The following TARS3 variants were observed in gnomAD, a reference collection of about 807,000 sequenced individuals.
The protein encoded by TARS3 is threonine--tRNA ligase 2, cytoplasmic.
A neutral mutation model predicts 103.5 loss-of-function variants in TARS3; 94 were observed. The observed-to-expected ratio is 0.91, with a 90% CI of 0.77 to 1.08. The LOEUF (loss-of-function observed/expected upper bound fraction) is 1.08. Ranked by LOEUF, TARS3 falls within the 50% of genes least tolerant of loss-of-function variation. The probability of loss-of-function intolerance (pLI) is 0.00; values close to 1 mark genes in which losing one functional copy is unlikely to be tolerated. For missense variants in TARS3, 952 were observed against 995.2 expected (o/e 0.96, Z 0.58); for synonymous variants, 416 against 355.4 (o/e 1.17, Z -1.92).
chr15:101,692,806 C>G (rs1307636305), intron 10 of TARS3, among the ~76,000 whole-genome samples: 1 of 152,244 alleles, frequency 6.6e-6, no homozygotes, highest in African/African-American at 2.4e-5. Flanking sequence ...TCACTAGACT[C>G]TCTTCAGTTA....
rs554617493 is a variant in TARS3 at position 101,706,368 on chromosome 15, A to C, written c.931-621T>G. On this transcript the variant is annotated intron_variant, in intron 6 of 18. Coordinates refer to ENST00000335968, the MANE Select transcript of TARS3 (RefSeq NM_152334.3). ...TTGGAAGTATAATGTTGCAAAAAGAAGAAGAAAATCATTCGTTAATCATTC... is the reference window on the plus strand; with the variant it reads ...TTGGAAGTATAATGTTGCAAAAAGACGAAGAAAATCATTCGTTAATCATTC... Among the ~76,000 whole-genome samples, 3 of 152,354 alleles carry C rather than the reference A, an allele frequency of 2.0e-5. 1 individual carries two copies. Among genetic ancestry groups the C allele is most frequent in the African/African-American group, 7.2e-5 (3 of 41,596 alleles).
At position 101,685,922 on chromosome 15, in the gene TARS3, G is replaced by A; in HGVS notation, c.1461C>T (p.Leu487=). 6.2e-7 allele frequency: 1 copy of A among 1,613,942 alleles called. No individual in the cohort carries two copies. The highest frequency in any genetic ancestry group is 1.1e-5 in the South Asian group (1 of 91,068). ...TFEIEKDTFA[L]KPMNCPGHCL... Reference sequence around the variant, plus strand: ...AGTGCCCTGGACAATTCATGGGTTTGAGGGCAAAAGTGTCCTTTTCAATCT... The same window carrying A: ...AGTGCCCTGGACAATTCATGGGTTTAAGGGCAAAAGTGTCCTTTTCAATCT... Residue 487 remains leucine, a synonymous_variant, in exon 11 of 19, where the codon CTC becomes CTT. Transcript: ENST00000335968.
chr15:101,707,027 C>A (rs1376593141), intron 6 of TARS3, among the ~76,000 whole-genome samples: 9 of 152,188 alleles, frequency 5.9e-5, no homozygotes, highest in Non-Finnish European at 1.0e-4. Context: ...ACAGACATTT[C>A]TCCAAAGACA....
intron 16 of TARS3, among the ~76,000 whole-genome samples, chr15:101,659,495 G>C (rs567485207): frequency 6.6e-6 from 1 of 152,292 alleles, no homozygotes; most frequent in Admixed American, 6.5e-5. Flanking sequence ...CCACAAGGCT[G>C]ACTGCTGTCT....
chr15:101,705,657 A>C (rs1255901922), intron 7 of TARS3, 26 bp downstream of exon 7: 1 of 1,599,510 alleles, frequency 6.3e-7, no homozygotes, highest in South Asian at 1.1e-5. Context: ...ACCACTGAGC[A>C]GCGTTTACCA....
chr15:101,716,603 T>C (rs1400559519), intron 3 of TARS3, among the ~76,000 whole-genome samples: 3 of 152,174 alleles, frequency 2.0e-5, no homozygotes, highest in Non-Finnish European at 4.4e-5. Flanking sequence ...AATTATTTTT[T>C]ATGGGTACTT....
rs1324744098 is a variant in TARS3 at position 101,686,023 on chromosome 15, G to C, written c.1360C>G (p.Pro454Ala). 1 of 1,613,118 alleles carries C rather than the reference G, an allele frequency of 6.2e-7. No homozygotes were observed. The highest frequency in any genetic ancestry group is 8.5e-7 in the Non-Finnish European group (1 of 1,179,404). ...HKRDFTEVLS[P>A]NMYNSKLWEA... ...CAGAGTTTACTGTTGTACATATTGG[G>C]AGAGAGCACCTCCGTGAAGTCCCGT... Residue 454 changes from proline to alanine, a missense_variant, in exon 11 of 19, where the codon CCC (proline) becomes GCC (alanine). This residue lies in a region of TARS3 where 540 missense variants were observed against 631.0 expected (regional missense o/e 0.86). Coordinates refer to ENST00000335968, the MANE Select transcript of TARS3 (RefSeq NM_152334.3).
chr15:101,670,715 C>T (rs1897760615), intron 15 of TARS3, among the ~76,000 whole-genome samples: 1 of 152,190 alleles, frequency 6.6e-6, no homozygotes, highest in Non-Finnish European at 1.5e-5. Flanking sequence ...CTAATATCTA[C>T]AGCAGTTCTA....
intron 10 of TARS3, among the ~76,000 whole-genome samples, chr15:101,698,691 G>T (rs918945216): frequency 2.0e-5 from 3 of 152,182 alleles, no homozygotes; most frequent in African/African-American, 7.2e-5. Context: ...TTAGTTCACA[G>T]GTCTTAAACT....
chr15:101,661,692 T>C lies in TARS3; in HGVS notation c.2072+20A>G. On this transcript the variant is annotated intron_variant, in intron 16 of 18. Transcript: ENST00000335968. ...AAAAAGAATAATAGACATATAGTTTTTCTTTTCCATATCACTTACCATTTT... is the reference window on the plus strand; with the variant it reads ...AAAAAGAATAATAGACATATAGTTTCTCTTTTCCATATCACTTACCATTTT... The C allele has an allele frequency of 6.9e-7, 1 of 1,447,684 alleles. No homozygotes were observed. The highest frequency in any genetic ancestry group is 9.6e-7 in the Non-Finnish European group (1 of 1,039,372). The allele number at this position is 1,447,684 out of a possible 1,614,324, so 89.7% of individuals were successfully genotyped here.
At chr15:101,723,859 C>T (rs1900615490) in intron 1 of TARS3, among the ~76,000 whole-genome samples, 1 of 152,230 alleles carries the variant, frequency 6.6e-6, no homozygotes, top group African/African-American at 2.4e-5. Flanking sequence ...CTTTAATGGA[C>T]GAATTGAGAA....
rs911581683 is a variant in TARS3 at position 101,716,133 on chromosome 15, C to T, written c.567-1170G>A. ...CTGGGTTCAAGCGATTCTCCTGCCT[C>T]GGCCTCCCGAGTAGCTGGGAATACA... is the stretch of plus-strand genomic sequence containing the variant. On this transcript the variant is annotated intron_variant, in intron 3 of 18. Coordinates refer to ENST00000335968, the MANE Select transcript of TARS3 (RefSeq NM_152334.3). Among the ~76,000 whole-genome samples the T allele has an allele frequency of 9.9e-5, 15 of 152,014 alleles. 1 individual carries two copies. Among genetic ancestry groups the T allele is most frequent in the Admixed American group, 5.2e-4 (8 of 15,272 alleles).
chr15:101,683,355 T>TCTATTGTGTTA (rs1400502169), intron 12 of TARS3, among the ~76,000 whole-genome samples: 1 of 152,244 alleles, frequency 6.6e-6, no homozygotes, highest in Non-Finnish European at 1.5e-5. Context: ...CTATTTTTAA[T>TCTATTGTGTTA]TCTATTGTGG....
chr15:101,712,689 C>T (rs1899928057), intron 4 of TARS3, among the ~76,000 whole-genome samples: 1 of 152,176 alleles, frequency 6.6e-6, no homozygotes, highest in African/African-American at 2.4e-5. Flanking sequence ...CCAAGGAATT[C>T]ATTTTAGTTT....
In TARS3 at chr15:101,654,150, A is replaced by G. The variant is rs1897111945; in HGVS notation, c.*432T>C. The stretch of plus-strand genomic sequence containing the variant: ...AAGTAATGATTCCAGTTTAGAAGAT[A>G]AAGTTTCAGTGTGAATTTTAGTAGA... On this transcript the variant is annotated 3_prime_UTR_variant, in exon 19 of 19. Coordinates refer to ENST00000335968, the MANE Select transcript of TARS3 (RefSeq NM_152334.3). 1 of 155,950 alleles carries G rather than the reference A, an allele frequency of 6.4e-6. No homozygotes were observed. Among genetic ancestry groups the G allele is most frequent in the African/African-American group, 2.4e-5 (1 of 41,514 alleles). The allele number at this position is 155,950 out of a possible 1,614,324, so 9.7% of individuals were successfully genotyped here. A position where few individuals can be genotyped will look rare whatever the true frequency, so the allele number is the denominator to read the frequency against.
intron 12 of TARS3, 71 bp from the exon 13 acceptor site, chr15:101,675,808 T>C: frequency 6.7e-7 from 1 of 1,485,456 alleles, no homozygotes; most frequent in Non-Finnish European, 9.2e-7. Context: ...ATACAATTCT[T>C]CATGTCAGAC....
chr15:101,702,422 C>T, intron 8 of TARS3, 37 bp from the exon 9 acceptor site: 1 of 1,563,894 alleles, frequency 6.4e-7, no homozygotes, highest in Non-Finnish European at 8.8e-7. Context: ...ATATATCATA[C>T]ATTCAGTTGT....
In TARS3 at chr15:101,701,130, G is replaced by A. The variant is rs559274565; in HGVS notation, c.1276C>T (p.Pro426Ser). ...DLSPGSCFFL[P>S]RGAFIYNTLT... ...GTATTATAAATGAAGGCTCCTCTGG[G>A]AAGGAAAAAACAGCTTCCAGGACTC... The change falls in exon 10 of 19, where the codon CCC (proline) becomes TCC (serine). Residue 426 changes from proline to serine, a missense_variant. Around this residue, in one of 2 missense-constraint regions of TARS3, gnomAD observed 540 missense variants for 631.0 expected, o/e 0.86. Coordinates refer to ENST00000335968, the MANE Select transcript of TARS3 (RefSeq NM_152334.3). The A allele has an allele frequency of 1.9e-6, 3 of 1,597,512 alleles. No homozygotes were observed. The highest frequency in any genetic ancestry group is 1.8e-5 in the Admixed American group (1 of 55,848).
intron 12 of TARS3, among the ~76,000 whole-genome samples, chr15:101,681,315 G>A (rs2087958): frequency 0.017 from 2,622 of 152,238 alleles, 47 homozygotes; most frequent in African/African-American, 0.046. Flanking sequence ...GGGAAAAAAG[G>A]TCTGCTTGGG....
Sources: allele counts gnomAD v4.1 joint callset (sites outside exome capture counted in the v4.1 genomes callset), GRCh38; gene constraint gnomAD v4.1.1; regional missense constraint gnomAD v4.1.1; transcripts MANE v1.5; gene names NCBI Gene and HGNC (gene_info 2026-07-23, HGNC 2026-07-21).